The following CNTNAP5 variants were observed in gnomAD, a reference collection of about 807,000 sequenced individuals.
CNTNAP5 encodes contactin associated protein family member 5.
A neutral mutation model predicts 150.2 loss-of-function variants in CNTNAP5; 72 were observed. The observed-to-expected ratio is 0.48, with a 90% CI of 0.40 to 0.58. The LOEUF (loss-of-function observed/expected upper bound fraction) is 0.58, where lower values mean the gene tolerates loss of function less well. Among genes scored for constraint, CNTNAP5 ranks in the 20% least tolerant of loss-of-function variants. The probability of loss-of-function intolerance (pLI) is 0.00; values close to 1 mark genes in which losing one functional copy is unlikely to be tolerated. For synonymous variants in CNTNAP5, 672 were observed against 619.8 expected (o/e 1.08, Z -1.25); for missense variants, 1,636 against 1,626.2 (o/e 1.01, Z -0.10).
intron 3 of CNTNAP5, among the ~76,000 whole-genome samples, chr2:124,246,184 A>G (rs1687019812): frequency 6.6e-6 from 1 of 152,186 alleles, no homozygotes; most frequent in South Asian, 2.1e-4. Context: ...TCCATTCACC[A>G]GTACTGAAGA....
At chr2:124,126,190 A>G (rs903891619) in intron 1 of CNTNAP5, among the ~76,000 whole-genome samples, 1 of 152,154 alleles carries the variant, frequency 6.6e-6, no homozygotes, top group Non-Finnish European at 1.5e-5. Flanking sequence ...AGAAGAAAAG[A>G]CAGAAGAATC....
At chr2:124,134,369 A>C (rs574847610) in intron 1 of CNTNAP5, among the ~76,000 whole-genome samples, 1 of 152,296 alleles carries the variant, frequency 6.6e-6, no homozygotes, top group African/African-American at 2.4e-5. Flanking sequence ...AGAAAAAAAA[A>C]AAATGGTAAA....
In CNTNAP5 at chr2:124,598,686, C is replaced by T. The variant is rs1484121286; in HGVS notation, c.1757-11115C>T. Among the ~76,000 whole-genome samples, 4 of 151,788 alleles carry T rather than the reference C, an allele frequency of 2.6e-5. 1 individual carries two copies. The highest frequency in any genetic ancestry group is 9.7e-5 in the African/African-American group (4 of 41,384). ...GTGGGCTCCACCCAGTTTGAGCTTCCCGGCTGCTTTGTTTACCTAATCAAG... is the reference window on the plus strand; with the variant it reads ...GTGGGCTCCACCCAGTTTGAGCTTCTCGGCTGCTTTGTTTACCTAATCAAG... On this transcript the variant is annotated intron_variant, in intron 11 of 23. Coordinates refer to ENST00000682447, the MANE Select transcript of CNTNAP5 (RefSeq NM_001367498.1).
chr2:124,658,492 A>C (rs2105041514), intron 13 of CNTNAP5, among the ~76,000 whole-genome samples: 1 of 151,432 alleles, frequency 6.6e-6, no homozygotes, highest in East Asian at 2.0e-4. Flanking sequence ...AAAACAAACA[A>C]ACCAAAAAAA....
At chr2:124,369,269 G>A (rs571120577) in intron 3 of CNTNAP5, among the ~76,000 whole-genome samples, 5 of 152,270 alleles carry the variant, frequency 3.3e-5, no homozygotes, top group South Asian at 2.1e-4. Flanking sequence ...AAACCTTGGA[G>A]GCCACTGAGC....
intron 3 of CNTNAP5, among the ~76,000 whole-genome samples, chr2:124,328,013 T>C (rs192587647): frequency 5.1e-4 from 78 of 152,284 alleles, no homozygotes; most frequent in Non-Finnish European, 8.8e-4. Context: ...GGGATTGCCA[T>C]ATAGAATGTG....
intron 3 of CNTNAP5, among the ~76,000 whole-genome samples, chr2:124,365,160 A>G (rs1690338147): frequency 6.6e-6 from 1 of 152,036 alleles, no homozygotes; most frequent in African/African-American, 2.4e-5. Flanking sequence ...AAATAAAATG[A>G]AATAAATTAG....
At chr2:124,620,848 TATTA>T (rs1360507560) in intron 12 of CNTNAP5, among the ~76,000 whole-genome samples, 3 of 152,142 alleles carry the variant, frequency 2.0e-5, no homozygotes, top group Non-Finnish European at 2.9e-5. Flanking sequence ...ATGGTGTGAT[TATTA>T]ATTGTGTCTA....
chr2:124,108,264 A>G (rs1233176006), intron 1 of CNTNAP5, among the ~76,000 whole-genome samples: 1 of 152,158 alleles, frequency 6.6e-6, no homozygotes, highest in Non-Finnish European at 1.5e-5. Context: ...TTTAAACATT[A>G]TCTGTTGACT....
chr2:124,376,892 A>G (rs1378889149), intron 3 of CNTNAP5, among the ~76,000 whole-genome samples: 1 of 152,080 alleles, frequency 6.6e-6, no homozygotes, highest in Non-Finnish European at 1.5e-5. Context: ...TGGGGAATGC[A>G]CTATTGATCT....
intron 3 of CNTNAP5, among the ~76,000 whole-genome samples, chr2:124,364,935 G>A (rs1220548263): frequency 1.3e-5 from 2 of 152,074 alleles, no homozygotes; most frequent in Non-Finnish European, 2.9e-5. Context: ...CACATAGCTG[G>A]CACACCATCA....
At chr2:124,295,948 A>G (rs1021819686) in intron 3 of CNTNAP5, among the ~76,000 whole-genome samples, 2 of 152,248 alleles carry the variant, frequency 1.3e-5, no homozygotes, top group African/African-American at 4.8e-5. Context: ...GAAATTAATA[A>G]TAACAAAAAG....
intron 10 of CNTNAP5, among the ~76,000 whole-genome samples, chr2:124,530,344 A>G (rs1164861583): frequency 6.6e-6 from 1 of 152,142 alleles, no homozygotes; most frequent in Non-Finnish European, 1.5e-5. Flanking sequence ...TAATAAAGTA[A>G]TAAAGTAGCA....
chr2:124,424,230 T>C (rs1187770635), intron 4 of CNTNAP5, among the ~76,000 whole-genome samples: 1 of 152,188 alleles, frequency 6.6e-6, no homozygotes, highest in Non-Finnish European at 1.5e-5. Context: ...GTTCTCATCA[T>C]CTGGGATCAT....
At chr2:124,127,077 AAG>A (rs1194725423) in intron 1 of CNTNAP5, among the ~76,000 whole-genome samples, 1 of 152,204 alleles carries the variant, frequency 6.6e-6, no homozygotes, top group African/African-American at 2.4e-5. Flanking sequence ...TGGAAGGAGA[AAG>A]AAATAAAGGG....
chr2:124,395,159 T>C (rs1321789313), intron 3 of CNTNAP5, among the ~76,000 whole-genome samples: 1 of 152,114 alleles, frequency 6.6e-6, no homozygotes, highest in African/African-American at 2.4e-5. Context: ...AAATACACAT[T>C]CTTTTATAAT....
chr2:124,618,468 A>G (rs900162452), intron 12 of CNTNAP5, among the ~76,000 whole-genome samples: 2 of 151,830 alleles, frequency 1.3e-5, no homozygotes, highest in African/African-American at 2.4e-5. Context: ...ACAGAGTGGG[A>G]AAAAGGCACA....
At chr2:124,567,832 AGAT>A (rs1409111599) in intron 11 of CNTNAP5, among the ~76,000 whole-genome samples, 5 of 134,634 alleles carry the variant, frequency 3.7e-5, no homozygotes, top group African/African-American at 5.7e-5. Flanking sequence ...ATTAGGGCAT[AGAT>A]GATAGATAGA....
intron 21 of CNTNAP5, among the ~76,000 whole-genome samples, chr2:124,870,468 T>C (rs1226257605): frequency 6.7e-6 from 1 of 148,238 alleles, no homozygotes; most frequent in Non-Finnish European, 1.5e-5. Flanking sequence ...TAGATTTTAT[T>C]TTTTATACTC....
Sources: allele counts gnomAD v4.1 joint callset (sites outside exome capture counted in the v4.1 genomes callset), GRCh38; gene constraint gnomAD v4.1.1; transcripts MANE v1.5; gene names NCBI Gene and HGNC (gene_info 2026-07-23, HGNC 2026-07-21).